The following CCDC38 variants were observed in gnomAD, a reference collection of about 807,000 sequenced individuals.
CCDC38 encodes the protein coiled-coil domain containing 38.
A neutral mutation model predicts 72.8 loss-of-function variants in CCDC38; 69 were observed. The ratio of observed to expected loss-of-function variants is 0.95; its 90% CI spans 0.78 to 1.16. CCDC38 has a LOEUF of 1.16. Ranked by LOEUF, CCDC38 falls within the 50% of genes most tolerant of loss-of-function variation. The pLI is 0.00. For missense variants in CCDC38, 626 were observed against 638.9 expected, an observed-to-expected ratio of 0.98 and a Z score of 0.22; for synonymous variants, 201 against 213.2, an observed-to-expected ratio of 0.94 and a Z score of 0.50.
intron 5 of CCDC38, among the ~76,000 whole-genome samples, chr12:95,904,881 C>A (rs1403428424): frequency 6.6e-6 from 1 of 152,160 alleles, no homozygotes; most frequent in Non-Finnish European, 1.5e-5. Flanking sequence ...TAGATTACCA[C>A]CCGGAAGTCA....
chr12:95,917,629 T>G (rs1314971293), intron 3 of CCDC38, among the ~76,000 whole-genome samples: 1 of 152,072 alleles, frequency 6.6e-6, no homozygotes, highest in Non-Finnish European at 1.5e-5. Flanking sequence ...TCCTGGTGCT[T>G]TGGGAGTCCA....
intron 8 of CCDC38, among the ~76,000 whole-genome samples, chr12:95,892,589 T>C (rs948026531): frequency 2.0e-5 from 3 of 150,402 alleles, no homozygotes; most frequent in South Asian, 2.1e-4. Flanking sequence ...AATTCTTTTT[T>C]TTTTTTTTTT....
chr12:95,914,959 A>G (rs1325543086), intron 4 of CCDC38, among the ~76,000 whole-genome samples: 1 of 152,182 alleles, frequency 6.6e-6, no homozygotes, highest in Admixed American at 6.5e-5. Context: ...ATTTACTCAA[A>G]CATTTTTAAT....
At position 95,872,257 on chromosome 12, in the gene CCDC38, T is replaced by C. The variant is rs2117914; in HGVS notation, c.1482A>G (p.Gln494=). ...IERMKQKEWR[Q]KFRDEKMKEK... is the part of the protein sequence containing the mutation. Reference sequence around the variant, plus strand: ...ATTCTTATCCTTATTGACTGTACTTTTGCCGCCATTCTTTCTGTTTCATCC... The same window carrying C: ...ATTCTTATCCTTATTGACTGTACTTCTGCCGCCATTCTTTCTGTTTCATCC... Residue 494 remains glutamine (Q), a splice_region_variant and synonymous_variant, in exon 14 of 16, where the codon CAA becomes CAG. Coordinates refer to ENST00000344280, the MANE Select transcript of CCDC38 (RefSeq NM_182496.3). 249,756 of 1,613,290 alleles carry C rather than the reference T, an allele frequency of 0.15. 20,917 individuals are homozygous for C. The highest frequency in any genetic ancestry group is 0.26 in the African/African-American group (19,485 of 74,928).
intron 2 of CCDC38, among the ~76,000 whole-genome samples, chr12:95,929,225 G>T (rs1038147049): frequency 6.6e-6 from 1 of 152,154 alleles, no homozygotes; most frequent in African/African-American, 2.4e-5. Context: ...AGCCAGGTGC[G>T]GGATATAATC....
At chr12:95,901,638 G>A (rs751348266) in intron 5 of CCDC38, among the ~76,000 whole-genome samples, 130 of 152,258 alleles carry the variant, frequency 8.5e-4, no homozygotes, top group African/African-American at 2.3e-3. Flanking sequence ...TGGAAGAGTC[G>A]AGAGAGTGGC....
At chr12:95,896,467 G>A (rs1268603521) in intron 7 of CCDC38, 1 of 152,204 alleles carries the variant, frequency 6.6e-6, no homozygotes, top group Admixed American at 6.5e-5. Context: ...AATGTTTTCA[G>A]CTTTAATACT....
At chr12:95,939,169 C>G (rs2080423899) in intron 1 of CCDC38, among the ~76,000 whole-genome samples, 1 of 152,088 alleles carries the variant, frequency 6.6e-6, no homozygotes, top group Non-Finnish European at 1.5e-5. Context: ...ATAGTATGTG[C>G]TATGGGAGTG....
chr12:95,918,822 T>G, intron 3 of CCDC38, 54 bp downstream of exon 3: 1 of 1,208,636 alleles, frequency 8.3e-7, no homozygotes, highest in South Asian at 1.2e-5. Flanking sequence ...GAGCAATAGG[T>G]AAGTGGATAT....
intron 2 of CCDC38, among the ~76,000 whole-genome samples, chr12:95,921,218 C>CA (rs1340189757): frequency 2.6e-5 from 4 of 151,852 alleles, no homozygotes; most frequent in African/African-American, 7.3e-5. Flanking sequence ...TTTGATATGA[C>CA]AAAAAAACTT....
chr12:95,918,965 CT>C lies in CCDC38; in HGVS notation c.48del (p.Asp17MetfsTer34). The C allele has an allele frequency of 6.2e-7, 1 of 1,600,278 alleles. No homozygotes were observed. Among genetic ancestry groups the C allele is most frequent in the Non-Finnish European group, 8.6e-7 (1 of 1,167,958 alleles). ...GGCCTGTCCTCTTTGGTTGAGCCAT[CT>C]TTTACTTTACCTGTTAAAAAAGAAA... ...LPTLNSGGKV[K>X]DGSTKEDRPY... On this transcript the variant is annotated frameshift_variant, in exon 3 of 16. Transcript: ENST00000344280. LOFTEE classifies it high-confidence loss of function.
At chr12:95,895,754 GAAAAAA>G (rs1206572260) in intron 7 of CCDC38, among the ~76,000 whole-genome samples, 1 of 37,260 alleles carries the variant, frequency 2.7e-5, no homozygotes, top group Non-Finnish European at 4.9e-5. Flanking sequence ...ACTCTGTCTC[GAAAAAA>G]AAAAAAAAAA....
intron 2 of CCDC38, among the ~76,000 whole-genome samples, chr12:95,922,205 A>G (rs2080216978): frequency 6.6e-6 from 1 of 152,236 alleles, no homozygotes; most frequent in Admixed American, 6.5e-5. Flanking sequence ...TGGGTTCAAC[A>G]CAGAGTACTC....
In CCDC38 at chr12:95,917,258, T is replaced by G. The variant is rs61739972; in HGVS notation, c.175A>C (p.Lys59Gln). 1 of 1,601,644 alleles carries G rather than the reference T, an allele frequency of 6.2e-7. No individual in the cohort carries two copies. Among genetic ancestry groups the G allele is most frequent in the Admixed American group, 1.8e-5 (1 of 56,016 alleles). The change falls in exon 4 of 16, where the codon AAA becomes CAA. Residue 59 changes from lysine to glutamine, a missense_variant. Physicochemically the swap from Lys to Gln is moderately conservative, Grantham distance 53. Coordinates refer to ENST00000344280, the MANE Select transcript of CCDC38 (RefSeq NM_182496.3). ...FMNRNMKVYQ[K>Q]TTFSSRMKSH... is the part of the protein sequence containing the mutation. ...TTCATTCTGGATGAAAAAGTAGTTT[T>G]CTGGTAGACTTTCATGTTACGGTTC...
In CCDC38 at chr12:95,917,601, G is replaced by A. The variant is rs919976757; in HGVS notation, c.139-307C>T. Among the ~76,000 whole-genome samples, 5 of 152,094 alleles carry A rather than the reference G, an allele frequency of 3.3e-5. No individual in the cohort carries two copies. In the East Asian group the frequency reaches 5.8e-4, roughly 18 times the overall value. ...AATTTGGAAATTCCGGGCTGGGTGCGGTAGCTCATGTCTGTAATCCTGGTG... is the reference window on the plus strand; with the variant it reads ...AATTTGGAAATTCCGGGCTGGGTGCAGTAGCTCATGTCTGTAATCCTGGTG... On this transcript the variant is annotated intron_variant, in intron 3 of 15. Coordinates refer to ENST00000344280, the MANE Select transcript of CCDC38 (RefSeq NM_182496.3).
chr12:95,902,966 A>G (rs2079965332), intron 5 of CCDC38, among the ~76,000 whole-genome samples: 1 of 152,144 alleles, frequency 6.6e-6, no homozygotes, highest in Non-Finnish European at 1.5e-5. Flanking sequence ...TAAATAAATT[A>G]TTTAATCTAT....
chr12:95,920,240 C>G (rs2080190635), intron 2 of CCDC38, among the ~76,000 whole-genome samples: 1 of 152,094 alleles, frequency 6.6e-6, no homozygotes, highest in Non-Finnish European at 1.5e-5. Context: ...GTGAATAAGT[C>G]TCATGAGATC....
chr12:95,878,432 A>C, intron 12 of CCDC38, 86 bp from the exon 13 acceptor site: 88 of 1,314,200 alleles, frequency 6.7e-5, no homozygotes, highest in Middle Eastern at 2.6e-4. Context: ...ACTCTAGATC[A>C]TGTGTCAAAA....
intron 5 of CCDC38, among the ~76,000 whole-genome samples, chr12:95,901,958 G>C (rs897045415): frequency 6.6e-6 from 1 of 151,914 alleles, no homozygotes; most frequent in African/African-American, 2.4e-5. Flanking sequence ...ATCTAAAGAG[G>C]GTCCCAACTC....
Sources: allele counts gnomAD v4.1 joint callset (sites outside exome capture counted in the v4.1 genomes callset), GRCh38; gene constraint gnomAD v4.1.1; transcripts MANE v1.5; gene names NCBI Gene and HGNC (gene_info 2026-07-23, HGNC 2026-07-21).